Variants in ECT2L observed in about 807,000 individuals in gnomAD.
The protein encoded by ECT2L is epithelial cell-transforming sequence 2 oncogene-like.
Under a neutral mutation model 122.8 loss-of-function variants are expected in ECT2L, and 126 were observed. The observed-to-expected ratio is 1.03, with a 90% CI of 0.89 to 1.19. The LOEUF (loss-of-function observed/expected upper bound fraction) is 1.19, where lower values mean the gene tolerates loss of function less well. ECT2L is among the 50% of genes most tolerant of loss of function. The pLI, the probability that ECT2L is intolerant of heterozygous loss-of-function variation, is 0.00. For synonymous variants in ECT2L, 385 were observed against 381.8 expected, an observed-to-expected ratio of 1.01 and a Z score of -0.10; for missense variants, 1,012 against 1,064.1, an observed-to-expected ratio of 0.95 and a Z score of 0.68.
At chr6:138,827,087 A>ACC (rs1427185548) in intron 4 of ECT2L, among the ~76,000 whole-genome samples, 3 of 152,108 alleles carry the variant, frequency 2.0e-5, no homozygotes, top group Non-Finnish European at 4.4e-5. Context: ...GGTGGTTCAT[A>ACC]CCTGTAATCC....
chr6:138,850,937 G>A (rs940771269), intron 9 of ECT2L, among the ~76,000 whole-genome samples: 3 of 141,344 alleles, frequency 2.1e-5, no homozygotes, highest in Non-Finnish European at 4.5e-5. Flanking sequence ...GGAGGCGGAC[G>A]TCGCGGTGAG....
Position 138,843,167 on chromosome 6 carries a change from A to G in ECT2L, c.531A>G (p.Leu177=), listed in dbSNP as rs1402453664. The change falls in exon 6 of 22, where the codon CTA becomes CTG. Residue 177 remains leucine, a synonymous_variant. Transcript: ENST00000541398. The part of the protein sequence containing the change: ...LNEPKTEDEE[L]LERQREKCLR... ...AACCCAAAACAGAAGATGAGGAACT[A>G]CTGGAGAGACAAAGAGAAAAGTGCC... The G allele has an allele frequency of 6.2e-7, 1 of 1,613,722 alleles. No homozygotes were observed. Among genetic ancestry groups the G allele is most frequent in the Admixed American group, 1.7e-5 (1 of 59,948 alleles).
At position 138,865,105 on chromosome 6, in the gene ECT2L, C is replaced by T. The variant is rs1280970997; in HGVS notation, c.1401C>T (p.Thr467=). The change falls in exon 12 of 22, where the codon ACC becomes ACT. Residue 467 remains threonine (T), a synonymous_variant. Coordinates refer to ENST00000541398, the MANE Select transcript of ECT2L (RefSeq NM_001077706.3). ...GCTTCACAGACTTCCTAGAAGAAAC[C>T]TTGAAAACAGTAAGGAAGCAGCTGT... ...WSSFTDFLEE[T]LKTVRKQLYP... 1.2e-6 allele frequency: 2 copies of T among 1,614,030 alleles called. No homozygotes were observed. Among genetic ancestry groups the T allele is most frequent in the Admixed American group, 1.7e-5 (1 of 60,010 alleles).
At chr6:138,883,004 G>T (rs1224416858) in intron 16 of ECT2L, 133 bp downstream of exon 16, 1 of 949,276 alleles carries the variant, frequency 1.1e-6, no homozygotes, top group East Asian at 2.6e-5. Flanking sequence ...CATACTGTGT[G>T]ATCTCTGAGG....
At chr6:138,868,016 A>AAAAAAAG in intron 12 of ECT2L, 87 bp from the exon 13 acceptor site, 1 of 701,722 alleles carries the variant, frequency 1.4e-6, no homozygotes, top group Non-Finnish European at 2.2e-6. Context: ...AAAAAAAAAA[A>AAAAAAAG]AAAGAAACTG....
chr6:138,875,159 T>A (rs534206610), intron 13 of ECT2L, among the ~76,000 whole-genome samples: 1 of 152,322 alleles, frequency 6.6e-6, no homozygotes, highest in Admixed American at 6.5e-5. Flanking sequence ...CAGGCTGGTA[T>A]GAGACAGCCA....
intron 4 of ECT2L, among the ~76,000 whole-genome samples, chr6:138,816,173 A>G (rs1776060612): frequency 6.6e-6 from 1 of 152,188 alleles, no homozygotes. Context: ...CACATTTATA[A>G]CCACTTTGTG....
chr6:138,838,197 T>C lies in ECT2L; in HGVS notation c.180-155T>C, dbSNP rs545515581. 1.6e-4 allele frequency among the ~76,000 whole-genome samples: 24 copies of C among 152,310 alleles called. No homozygotes were observed. In the East Asian group the frequency reaches 4.4e-3, roughly 28 times the overall value. ...GATTACAAGCATGAGCCACGGCACC[T>C]GGCCTGAAAATTTTTTAAATCTAGA... On this transcript the variant is annotated intron_variant, in intron 4 of 21. Coordinates refer to ENST00000541398, the MANE Select transcript of ECT2L (RefSeq NM_001077706.3).
chr6:138,900,720 A>C (rs1779368385), intron 20 of ECT2L, among the ~76,000 whole-genome samples: 1 of 151,938 alleles, frequency 6.6e-6, no homozygotes, highest in Non-Finnish European at 1.5e-5. Flanking sequence ...AACGCAAAGC[A>C]CTCCACCAGG....
intron 4 of ECT2L, among the ~76,000 whole-genome samples, chr6:138,819,327 G>T (rs560389396): frequency 6.6e-6 from 1 of 151,702 alleles, no homozygotes; most frequent in African/African-American, 2.4e-5. Context: ...ATGGAGGGAA[G>T]GTTATTGGCC....
intron 1 of ECT2L, among the ~76,000 whole-genome samples, chr6:138,801,210 C>T (rs1775532554): frequency 6.6e-6 from 1 of 152,154 alleles, no homozygotes; most frequent in South Asian, 2.1e-4. Flanking sequence ...ACTCATTCAG[C>T]AAATACTTGC....
intron 4 of ECT2L, among the ~76,000 whole-genome samples, chr6:138,817,939 C>T (rs1313972277): frequency 6.6e-6 from 1 of 152,164 alleles, no homozygotes; most frequent in Admixed American, 6.5e-5. Context: ...ACTAGGTTGA[C>T]CTTTCCTGTG....
intron 8 of ECT2L, 34 bp downstream of exon 8, chr6:138,846,711 T>A: frequency 7.0e-7 from 1 of 1,424,588 alleles, no homozygotes; most frequent in Non-Finnish European, 9.2e-7. Context: ...CCTGTCCTGA[T>A]TGTTTTTTTG....
intron 9 of ECT2L, among the ~76,000 whole-genome samples, chr6:138,852,205 A>C (rs911552096): frequency 2.6e-5 from 4 of 152,292 alleles, no homozygotes; most frequent in African/African-American, 9.6e-5. Flanking sequence ...GCAGAGGTTG[A>C]AGTCAGTCAT....
intron 1 of ECT2L, among the ~76,000 whole-genome samples, chr6:138,805,420 T>C (rs1225684260): frequency 6.6e-6 from 1 of 152,250 alleles, no homozygotes; most frequent in African/African-American, 2.4e-5. Flanking sequence ...GAGCTCTGGA[T>C]GCTCACCAAC....
intron 5 of ECT2L, among the ~76,000 whole-genome samples, chr6:138,841,668 G>A (rs1197941559): frequency 6.6e-6 from 1 of 152,116 alleles, no homozygotes; most frequent in Non-Finnish European, 1.5e-5. Flanking sequence ...AACAAGCTTT[G>A]CTTTGGAACT....
chr6:138,821,113 A>G (rs1776253986), intron 4 of ECT2L, among the ~76,000 whole-genome samples: 1 of 152,228 alleles, frequency 6.6e-6, no homozygotes. Context: ...GAAGGCAGGA[A>G]CACAGACCAC....
rs6570293 is a variant in ECT2L, at chr6:138,883,698, G to A, written c.2028+827G>A. On this transcript the variant is annotated intron_variant, in intron 16 of 21. Transcript: ENST00000541398. ...GATGATTCAAAAGTTACATAAATAA[G>A]GTAGTTTCATAGAACCGACCTTGGA... Among the ~76,000 whole-genome samples the A allele has an allele frequency of 6.2e-3, 937 of 152,264 alleles. 15 individuals carry two copies. The highest frequency in any genetic ancestry group is 0.021 in the African/African-American group (885 of 41,540).
chr6:138,850,649 T>A (rs975319917), intron 9 of ECT2L, among the ~76,000 whole-genome samples: 1 of 152,206 alleles, frequency 6.6e-6, no homozygotes, highest in Non-Finnish European at 1.5e-5. Flanking sequence ...CTTTCAATTT[T>A]GGATATATAC....
Sources: allele counts gnomAD v4.1 joint callset (sites outside exome capture counted in the v4.1 genomes callset), GRCh38; gene constraint gnomAD v4.1.1; transcripts MANE v1.5; gene names NCBI Gene and HGNC (gene_info 2026-07-23, HGNC 2026-07-21).